The following CCN3 variants were observed in gnomAD, a reference collection of about 807,000 sequenced individuals.
CCN3 encodes cellular communication network factor 3, also known as CCN family member 3.
A neutral mutation model predicts 33.4 loss-of-function variants in CCN3; 20 were observed. The observed-to-expected ratio is 0.60, with a 90% confidence interval of 0.42 to 0.87. The LOEUF (loss-of-function observed/expected upper bound fraction) is 0.87, where lower values mean the gene tolerates loss of function less well. CCN3 is among the 40% of genes least tolerant of loss of function. CCN3 has a pLI of 0.00. For synonymous variants in CCN3, 205 were observed against 170.4 expected (o/e 1.20, Z -1.58); for missense variants, 465 against 455.3 (o/e 1.02, Z -0.19).
In CCN3 at chr8:119,419,293, G is replaced by A. The variant is rs773316453; in HGVS notation, c.725G>A (p.Arg242Gln). Residue 242 changes from arginine to glutamine, a missense_variant, in exon 4 of 5, where the codon CGG (arginine) becomes CAG (glutamine). By Grantham distance (43) the Arg-to-Gln change is conservative. Transcript: ENST00000259526. The part of the protein sequence containing the change: ...NRQCEMLKQT[R>Q]LCMVRPCEQE... The stretch of plus-strand genomic sequence containing the variant: ...CAATGTGAGATGCTGAAACAGACTC[G>A]GCTCTGCATGGTGCGGCCCTGTGAA... 33 of 1,614,046 alleles carry A rather than the reference G, an allele frequency of 2.0e-5. No individual in the cohort carries two copies. Among genetic ancestry groups the A allele is most frequent in the African/African-American group, 4.0e-5 (3 of 74,920 alleles).
In CCN3 at chr8:119,416,987, G is replaced by T; in HGVS notation, c.310+18G>T. 4.4e-6 allele frequency: 7 copies of T among 1,591,766 alleles called. No individual in the cohort carries two copies. The highest frequency in any genetic ancestry group is 5.2e-6 in the Non-Finnish European group (6 of 1,164,864). On this transcript the variant is annotated intron_variant, in intron 2 of 4. Coordinates refer to ENST00000259526, the MANE Select transcript of CCN3 (RefSeq NM_002514.4). ...CTGCACGGGTAATCCTGCTCCCTCT[G>T]CTGTTTGACCTCTTCTCCTGCAGCT...
intron 4 of CCN3, among the ~76,000 whole-genome samples, chr8:119,422,519 A>C (rs1820138383): frequency 6.6e-6 from 1 of 152,236 alleles, no homozygotes; most frequent in African/African-American, 2.4e-5. Flanking sequence ...ATGTACAATT[A>C]GGCAAGGTGT....
At chr8:119,417,388 T>A (rs903922489) in intron 2 of CCN3, among the ~76,000 whole-genome samples, 1 of 152,234 alleles carries the variant, frequency 6.6e-6, no homozygotes, top group Non-Finnish European at 1.5e-5. Context: ...TTTTCACACC[T>A]GTAATTGTCC....
chr8:119,419,920 C>T (rs780088403), intron 4 of CCN3: 3 of 152,812 alleles, frequency 2.0e-5, no homozygotes, highest in Non-Finnish European at 2.9e-5. Context: ...TAAAACAGCA[C>T]ATATCTTTTT....
intron 4 of CCN3, among the ~76,000 whole-genome samples, chr8:119,422,385 A>G (rs1256945818): frequency 6.6e-6 from 1 of 152,176 alleles, no homozygotes; most frequent in Non-Finnish European, 1.5e-5. Flanking sequence ...AGAGAACCAA[A>G]CTGTATCACG....
intron 4 of CCN3, 46 bp from the exon 5 acceptor site, chr8:119,422,790 G>C (rs372939443): frequency 1.4e-6 from 2 of 1,479,884 alleles, no homozygotes; most frequent in African/African-American, 2.8e-5. Flanking sequence ...TTGTCCCTCA[G>C]GGGAATGGTA....
intron 3 of CCN3, among the ~76,000 whole-genome samples, chr8:119,418,859 G>T (rs931214159): frequency 1.8e-4 from 28 of 152,078 alleles, no homozygotes; most frequent in African/African-American, 6.8e-4. Flanking sequence ...AATCTCAAGA[G>T]ACAATAGAGG....
Position 119,416,446 on chromosome 8 carries a change from A to G in CCN3, c.-87A>G, listed in dbSNP as rs970337377. On this transcript the variant is annotated 5_prime_UTR_variant, in exon 1 of 5. Transcript: ENST00000259526. ...AAAACCTGTGCTGGGCGTGATCGGC[A>G]AGCACCGGACCAGGGGGAAGGCGAG... 1 of 1,317,576 alleles carries G rather than the reference A, an allele frequency of 7.6e-7. No homozygotes were observed. The allele number at this position is 1,317,576 out of a possible 1,614,324, so 81.6% of individuals were successfully genotyped here. A position where few individuals can be genotyped will look rare whatever the true frequency, so the allele number is the denominator to read the frequency against.
In CCN3 at chr8:119,422,984, T is replaced by C. The variant is rs1426592841; in HGVS notation, c.926T>C (p.Ile309Thr). The change falls in exon 5 of 5, where the codon ATC becomes ACC. Residue 309 changes from isoleucine (I) to threonine (T), a missense_variant. By Grantham distance (89) the Ile-to-Thr change is moderately conservative. Coordinates refer to ENST00000259526, the MANE Select transcript of CCN3 (RefSeq NM_002514.4). Reference protein sequence around the residue: ...RCCTPHNTKTIQAEFQCSPGQ... With the variant: ...RCCTPHNTKTTQAEFQCSPGQ... ...TGCACTCCCCACAATACCAAAACCATCCAGGCAGAGTTTCAGTGCTCCCCA... is the reference window on the plus strand; with the variant it reads ...TGCACTCCCCACAATACCAAAACCACCCAGGCAGAGTTTCAGTGCTCCCCA... 6.2e-7 allele frequency: 1 copy of C among 1,613,900 alleles called. No individual in the cohort carries two copies. The highest frequency in any genetic ancestry group is 1.3e-5 in the African/African-American group (1 of 74,858).
intron 4 of CCN3, among the ~76,000 whole-genome samples, chr8:119,421,723 G>A (rs940991599): frequency 6.6e-6 from 1 of 152,082 alleles, no homozygotes; most frequent in Non-Finnish European, 1.5e-5. Flanking sequence ...TCCATGTCTT[G>A]GAATTTCCTG....
chr8:119,421,407 A>G (rs898025348), intron 4 of CCN3, among the ~76,000 whole-genome samples: 1 of 152,154 alleles, frequency 6.6e-6, no homozygotes, highest in Admixed American at 6.5e-5. Flanking sequence ...GGATGTACTG[A>G]ATCCAAAACT....
chr8:119,417,053 C>T (rs1820061357), intron 2 of CCN3, 84 bp downstream of exon 2: 1 of 1,094,122 alleles, frequency 9.1e-7, no homozygotes, highest in Admixed American at 2.4e-5. Flanking sequence ...TATTCCCCTT[C>T]CCAGAGGGCG....
chr8:119,416,913 G>T lies in CCN3; in HGVS notation c.254G>T (p.Ser85Ile), dbSNP rs1193189406. The T allele has an allele frequency of 6.2e-7, 1 of 1,614,064 alleles. No individual in the cohort carries two copies. The highest frequency in any genetic ancestry group is 8.5e-7 in the Non-Finnish European group (1 of 1,180,028). The change falls in exon 2 of 5, where the codon AGT becomes ATT. Residue 85 changes from serine to isoleucine, a missense_variant. Transcript: ENST00000259526. ...CSDLEPCDES[S>I]GLYCDRSADP... ...GATCTGGAGCCATGCGACGAGAGCA[G>T]TGGCCTCTACTGTGATCGCAGCGCG...
Position 119,423,621 on chromosome 8 carries a change from A to G in CCN3, c.*489A>G, listed in dbSNP as rs1347138186. On this transcript the variant is annotated 3_prime_UTR_variant, in exon 5 of 5. Transcript: ENST00000259526. ...CCCTTTTTGGGTAAACCAGCTCTGA[A>G]CTTCCAAGCTCCAAATCCAAGGAAA... is the stretch of plus-strand genomic sequence containing the variant. 2 of 153,220 alleles carry G rather than the reference A, an allele frequency of 1.3e-5. No homozygotes were observed. The highest frequency in any genetic ancestry group is 2.9e-5 in the Non-Finnish European group (2 of 68,732). 9.5% of individuals were successfully genotyped at this position (153,220 alleles called of 1,614,324 possible).
In CCN3 at chr8:119,419,345, G is replaced by A. The variant is rs754452368; in HGVS notation, c.777G>A (p.Lys259=). The change falls in exon 4 of 5, where the codon AAG becomes AAA. Residue 259 remains lysine (K), a splice_region_variant and synonymous_variant. Coordinates refer to ENST00000259526, the MANE Select transcript of CCN3 (RefSeq NM_002514.4). ...AAGAGCCAGAGCAGCCAACAGATAA[G>A]GTAGGAGCCTGGAGGAAACCTCCCA... ...CEQEPEQPTD[K]KGKKCLRTKK... is the part of the protein sequence containing the mutation. 1 of 1,613,016 alleles carries A rather than the reference G, an allele frequency of 6.2e-7. No individual in the cohort carries two copies. The highest frequency in any genetic ancestry group is 1.3e-5 in the African/African-American group (1 of 74,888).
rs560197324 is a variant in CCN3, at chr8:119,419,091, T to C, written c.563-40T>C. ...AAAGGACCACTTTCCAATCCTCACA[T>C]TGTACCTAATATGGCTGTCTTTATT... is the stretch of plus-strand genomic sequence containing the variant. On this transcript the variant is annotated intron_variant, in intron 3 of 4. Coordinates refer to ENST00000259526, the MANE Select transcript of CCN3 (RefSeq NM_002514.4). The C allele has an allele frequency of 5.9e-6, 9 of 1,530,018 alleles. No individual in the cohort carries two copies. The Admixed American group carries it at 8.4e-5, about 14-fold the overall frequency. 94.8% of individuals were successfully genotyped at this position (1,530,018 alleles called of 1,614,324 possible). A position where few individuals can be genotyped will look rare whatever the true frequency, so the allele number is the denominator to read the frequency against.
intron 2 of CCN3, among the ~76,000 whole-genome samples, chr8:119,417,379 T>G (rs1820065706): frequency 6.6e-6 from 1 of 152,160 alleles, no homozygotes; most frequent in African/African-American, 2.4e-5. Context: ...GCAGGTTTGT[T>G]TTCACACCTG....
rs201179724 is a variant in CCN3, at chr8:119,419,244, A to T, written c.676A>T (p.Thr226Ser). 95 of 1,614,204 alleles carry T rather than the reference A, an allele frequency of 5.9e-5. No homozygotes were observed. In the Admixed American group the frequency reaches 1.6e-3, roughly 27 times the overall value. The change falls in exon 4 of 5, where the codon ACC (threonine) becomes TCC (serine). Residue 226 changes from threonine (T) to serine (S), a missense_variant. Thr to Ser is a moderately conservative substitution (Grantham distance 58, BLOSUM62 1). Transcript: ENST00000259526. ...CSKSCGMGFS[T>S]RVTNRNRQCE... ...CAAGAGCTGTGGTATGGGGTTCTCC[A>T]CCCGGGTCACCAATAGGAACCGTCA... is the stretch of plus-strand genomic sequence containing the variant.
chr8:119,422,172 A>G (rs201055059), intron 4 of CCN3, among the ~76,000 whole-genome samples: 28 of 151,746 alleles, frequency 1.8e-4, no homozygotes, highest in African/African-American at 5.6e-4. Flanking sequence ...GAGAGAGAGA[A>G]AGAGAGAGAG....
Sources: gnomAD v4.1 joint callset for allele counts (sites outside exome capture counted in the v4.1 genomes callset) on GRCh38, gnomAD v4.1.1 for gene constraint, MANE v1.5 for transcripts, NCBI Gene and HGNC (gene_info 2026-07-23, HGNC 2026-07-21) for gene names.